The following DGKI variants were observed in gnomAD, a reference collection of about 807,000 sequenced individuals.
DGKI encodes DAG kinase iota.
Under a neutral mutation model 147.5 loss-of-function variants are expected in DGKI, and 55 were observed. That is an observed-to-expected ratio of 0.37 (90% CI 0.30 to 0.47). The LOEUF is 0.47. Among genes scored for constraint, DGKI ranks in the 20% least tolerant of loss-of-function variants. The probability of loss-of-function intolerance (pLI) is 1.00; values close to 1 mark genes in which losing one functional copy is unlikely to be tolerated. For synonymous variants in DGKI, 469 were observed against 477.1 expected, an observed-to-expected ratio of 0.98 and a Z score of 0.22; for missense variants, 1,007 against 1,323.8, an observed-to-expected ratio of 0.76 and a Z score of 3.71.
chr7:137,661,825 G>C lies in DGKI; in HGVS notation c.607-5285C>G, dbSNP rs147983267. Among the ~76,000 whole-genome samples, 77 of 152,274 alleles carry C rather than the reference G, an allele frequency of 5.1e-4. 1 individual carries two copies. The East Asian group carries it at 0.014, about 27-fold the overall frequency. ...TCCTCTCCTCCTCTTCAATGGCGGGGCTAATGGAATGCTTAGGAAAGTGGA... is the reference window on the plus strand; with the variant it reads ...TCCTCTCCTCCTCTTCAATGGCGGGCCTAATGGAATGCTTAGGAAAGTGGA... On this transcript the variant is annotated intron_variant, in intron 3 of 32. Transcript: ENST00000614521.
In DGKI at chr7:137,491,193, G is replaced by A. The variant is rs1490284071; in HGVS notation, c.2249-3504C>T. On this transcript the variant is annotated intron_variant, in intron 21 of 32. Transcript: ENST00000614521. The stretch of plus-strand genomic sequence containing the variant: ...AGTACCGGGTGCCTCAGGAGCTGAG[G>A]TTAAAGGAGGTGGTTAAGATAGAAG... 2.6e-5 allele frequency among the ~76,000 whole-genome samples: 4 copies of A among 152,256 alleles called. No homozygotes were observed. The East Asian group carries it at 7.7e-4, about 29-fold the overall frequency.
chr7:137,717,187 G>C (rs1273401101), intron 1 of DGKI, among the ~76,000 whole-genome samples: 1 of 152,204 alleles, frequency 6.6e-6, no homozygotes, highest in East Asian at 1.9e-4. Flanking sequence ...CCTGTACACA[G>C]GAAAATGTCA....
At chr7:137,765,780 C>G (rs562219862) in intron 1 of DGKI, among the ~76,000 whole-genome samples, 1 of 152,188 alleles carries the variant, frequency 6.6e-6, no homozygotes, top group Non-Finnish European at 1.5e-5. Context: ...AGGCAGCATA[C>G]GATACGGAGG....
intron 1 of DGKI, among the ~76,000 whole-genome samples, chr7:137,751,159 A>G (rs1468157215): frequency 6.6e-6 from 1 of 152,276 alleles, no homozygotes; most frequent in African/African-American, 2.4e-5. Context: ...TTCAGTAAAC[A>G]TCTGGAAGAT....
intron 23 of DGKI, among the ~76,000 whole-genome samples, chr7:137,472,180 G>GTA (rs1308908986): frequency 8.9e-6 from 1 of 112,460 alleles, no homozygotes; most frequent in African/African-American, 3.7e-5. Context: ...ACATATATAT[G>GTA]TATATACATA....
rs1815008755 is a variant in DGKI, at chr7:137,472,398, T to TATATACATATACA, written c.2374-2780_2374-2779insTGTATATGTATAT. Among the ~76,000 whole-genome samples the TATATACATATACA allele has an allele frequency of 1.9e-5, 2 of 107,346 alleles. 1 individual carries two copies. The highest frequency in any genetic ancestry group is 9.8e-5 in the African/African-American group (2 of 20,348). 70.4% of individuals were successfully genotyped at this position (107,346 alleles called of 152,430 possible). A position where few individuals can be genotyped will look rare whatever the true frequency, so the allele number is the denominator to read the frequency against. On this transcript the variant is annotated intron_variant, in intron 23 of 32. Coordinates refer to ENST00000614521, the MANE Select transcript of DGKI (RefSeq NM_001321708.2). ...TTATATGTATATATACATATTATAA[T>TATATACATATACA]TATTATATGTATATATACATATACA... is the stretch of plus-strand genomic sequence containing the variant.
In DGKI at chr7:137,504,990, C is replaced by A. The variant is rs780443787; in HGVS notation, c.2248+16876G>T. ...TGCAAAACACGTATCTGATAAAAGACTGGTATCCCATCATTCTAAGCAAAC... is the reference window on the plus strand; with the variant it reads ...TGCAAAACACGTATCTGATAAAAGAATGGTATCCCATCATTCTAAGCAAAC... On this transcript the variant is annotated intron_variant, in intron 21 of 32. Coordinates refer to ENST00000614521, the MANE Select transcript of DGKI (RefSeq NM_001321708.2). Among the ~76,000 whole-genome samples, 3 of 151,888 alleles carry A rather than the reference C, an allele frequency of 2.0e-5. No homozygotes were observed. The East Asian group carries it at 5.8e-4, about 29-fold the overall frequency.
chr7:137,735,502 C>T (rs1203758530), intron 1 of DGKI, among the ~76,000 whole-genome samples: 1 of 152,034 alleles, frequency 6.6e-6, no homozygotes, highest in African/African-American at 2.4e-5. Flanking sequence ...GCATTTACCA[C>T]AGTTTAGTTG....
chr7:137,585,151 C>G (rs1018506582), intron 14 of DGKI, 58 bp downstream of exon 14: 3 of 1,589,152 alleles, frequency 1.9e-6, no homozygotes, highest in Non-Finnish European at 2.6e-6. Flanking sequence ...GATTTTTTTT[C>G]CTGTAGCTCA....
intron 20 of DGKI, among the ~76,000 whole-genome samples, chr7:137,529,811 A>C (rs1265372386): frequency 1.3e-5 from 2 of 152,134 alleles, no homozygotes; most frequent in African/African-American, 2.4e-5. Flanking sequence ...GTGCAATGGC[A>C]CGATCTCGGC....
intron 1 of DGKI, among the ~76,000 whole-genome samples, chr7:137,837,850 C>T (rs112344512): frequency 1.3e-5 from 2 of 152,224 alleles, no homozygotes; most frequent in African/African-American, 4.8e-5. Flanking sequence ...CAAGCAGCCC[C>T]GAGGTTGTGC....
chr7:137,419,281 C>A (rs1812472153), intron 28 of DGKI, among the ~76,000 whole-genome samples: 1 of 152,282 alleles, frequency 6.6e-6, no homozygotes, highest in South Asian at 2.1e-4. Flanking sequence ...AGACAAAATC[C>A]ATCGCAAATG....
intron 3 of DGKI, among the ~76,000 whole-genome samples, chr7:137,657,631 T>C (rs1421469289): frequency 2.0e-5 from 3 of 152,202 alleles, no homozygotes; most frequent in Non-Finnish European, 4.4e-5. Flanking sequence ...TAAGCCTGTC[T>C]GTCAGATGGG....
intron 31 of DGKI, among the ~76,000 whole-genome samples, chr7:137,396,705 A>G (rs932640343): frequency 6.6e-6 from 1 of 152,148 alleles, no homozygotes; most frequent in Non-Finnish European, 1.5e-5. Flanking sequence ...ACACCAACTC[A>G]TCTTTATACC....
In DGKI at chr7:137,846,234, A is replaced by T. The variant is rs113602809; in HGVS notation, c.401+228T>A. Among the ~76,000 whole-genome samples the T allele has an allele frequency of 2.2e-3, 330 of 149,574 alleles. 1 individual carries two copies. Among genetic ancestry groups the T allele is most frequent in the African/African-American group, 7.7e-3 (309 of 40,282 alleles). ...AATTTCTGTTGCTCTGACCTTAGGG[A>T]CCCAGTGCTTCTCTCCTGCCACAGG... On this transcript the variant is annotated intron_variant, in intron 1 of 32. Coordinates refer to ENST00000614521, the MANE Select transcript of DGKI (RefSeq NM_001321708.2). The surrounding 1 kb of genome is among the most constrained non-coding windows in gnomAD (Gnocchi z 4.0).
chr7:137,408,445 G>GTTT, intron 29 of DGKI, among the ~76,000 whole-genome samples: 1 of 152,224 alleles, frequency 6.6e-6, no homozygotes, highest in East Asian at 1.9e-4. Context: ...TTTTTCTTCA[G>GTTT]TCTTATGAAC....
At chr7:137,511,328 C>T (rs1219119712) in intron 21 of DGKI, among the ~76,000 whole-genome samples, 3 of 152,218 alleles carry the variant, frequency 2.0e-5, no homozygotes, top group South Asian at 2.1e-4. Context: ...GCTTTATATT[C>T]AGGTTTCCAC....
rs150294438 is a variant in DGKI, at chr7:137,408,632, C to T, written c.2800-637G>A. On this transcript the variant is annotated intron_variant, in intron 29 of 32. Coordinates refer to ENST00000614521, the MANE Select transcript of DGKI (RefSeq NM_001321708.2). ...CTTCTGTTAATCATCCAACACATAC[C>T]TAATAGGCTAGAGATAATCCACAGA... Among the ~76,000 whole-genome samples, 276 of 152,150 alleles carry T rather than the reference C, an allele frequency of 1.8e-3. 1 individual carries two copies. Among genetic ancestry groups the T allele is most frequent in the African/African-American group, 6.4e-3 (266 of 41,508 alleles).
At chr7:137,542,097 T>C (rs1463592151) in intron 20 of DGKI, among the ~76,000 whole-genome samples, 1 of 152,162 alleles carries the variant, frequency 6.6e-6, no homozygotes, top group Non-Finnish European at 1.5e-5. Context: ...GACATATGCT[T>C]CCCAAATGCT....
Sources: allele counts gnomAD v4.1 joint callset (sites outside exome capture counted in the v4.1 genomes callset), GRCh38; gene constraint gnomAD v4.1.1; non-coding constraint Gnocchi (gnomAD v3.1); transcripts MANE v1.5; gene names NCBI Gene and HGNC (gene_info 2026-07-23, HGNC 2026-07-21).